The following ESRRG variants were observed in gnomAD, a reference collection of about 807,000 sequenced individuals.
ESRRG encodes estrogen-related receptor gamma.
ESRRG carries 13 observed loss-of-function variants against 44.0 expected under a neutral mutation model. The observed-to-expected ratio is 0.30, with a 90% CI of 0.19 to 0.47. ESRRG has a LOEUF of 0.47. ESRRG is among the 20% of genes least tolerant of loss of function. ESRRG has a pLI of 1.00. For missense variants in ESRRG, 395 were observed against 580.6 expected (o/e 0.68, Z 3.29); for synonymous variants, 215 against 214.6 (o/e 1.00, Z -0.02).
In ESRRG at chr1:217,005,846, C is replaced by T. The variant is rs145757445; in HGVS notation, c.-105-66173G>A. On this transcript the variant is annotated intron_variant, in intron 1 of 7. Coordinates refer to the ESRRG transcript ENST00000359162. ...TACAAATTTATAGGAAAAGTGCTTT[C>T]GCTTACTTTTAATGTGTCAACTTCA... is the stretch of plus-strand genomic sequence containing the variant. Among the ~76,000 whole-genome samples, 560 of 152,158 alleles carry T rather than the reference C, an allele frequency of 3.7e-3. 6 individuals carry two copies. The highest frequency in any genetic ancestry group is 0.012 in the African/African-American group (519 of 41,530).
chr1:216,750,640 C>T (rs990840452), intron 2 of ESRRG, among the ~76,000 whole-genome samples: 1 of 152,042 alleles, frequency 6.6e-6, no homozygotes, highest in Non-Finnish European at 1.5e-5. Context: ...GTCCTGACAA[C>T]CTACTGTCCA....
upstream of ESRRG, chr1:217,089,787 C>T (rs953620602): frequency 2.6e-5 from 4 of 152,176 alleles, no homozygotes; most frequent in East Asian, 5.8e-4. Context: ...GTGCACTCAC[C>T]GAGCCGGGCT....
rs117765148 is a variant in ESRRG at position 216,931,375 on chromosome 1, T to C, written c.-14+8207A>G. Among the ~76,000 whole-genome samples the C allele has an allele frequency of 7.6e-4, 116 of 152,264 alleles. 2 individuals carry two copies. The East Asian group carries it at 0.02, about 26-fold the overall frequency. On this transcript the variant is annotated intron_variant, in intron 2 of 7. Transcript: ENST00000359162. The stretch of plus-strand genomic sequence containing the variant: ...GTAAAATAAGAGAAATTCAGGAAAA[T>C]AATTCTCCCTTCCTATGAAAAATGT...
intron 2 of ESRRG, among the ~76,000 whole-genome samples, chr1:216,740,514 A>G (rs935988018): frequency 1.3e-5 from 2 of 152,034 alleles, no homozygotes; most frequent in Non-Finnish European, 2.9e-5. Flanking sequence ...CTTATATTGC[A>G]TTTACATTTC....
chr1:217,008,090 C>T (rs2078014269), intron 1 of ESRRG, among the ~76,000 whole-genome samples: 1 of 152,170 alleles, frequency 6.6e-6, no homozygotes, highest in African/African-American at 2.4e-5. Context: ...CCAACAGCTA[C>T]AACAACAGAA....
chr1:216,551,429 G>T (rs1391646766), intron 5 of ESRRG, among the ~76,000 whole-genome samples: 1 of 152,066 alleles, frequency 6.6e-6, no homozygotes, highest in Non-Finnish European at 1.5e-5. Flanking sequence ...GATGTTTTGT[G>T]ATAACCTCAC....
At position 217,104,244 on chromosome 1, in the gene ESRRG, A is replaced by T. The variant is rs2092559716; in HGVS notation, c.-230+33423T>A. ...CCCTGTGAACAGCATGGGTGTGGACAGCACCTTGAGCTACTCAAGGACAGC... is the reference window on the plus strand; with the variant it reads ...CCCTGTGAACAGCATGGGTGTGGACTGCACCTTGAGCTACTCAAGGACAGC... On this transcript the variant is annotated intron_variant, in intron 1 of 8. Coordinates refer to the ESRRG transcript ENST00000366940. Among the ~76,000 whole-genome samples the T allele has an allele frequency of 2.0e-5, 3 of 152,334 alleles. No homozygotes were observed. The Middle Eastern group carries it at 0.01, about 518-fold the overall frequency.
At chr1:216,807,552 T>C (rs1034459946) in intron 2 of ESRRG, among the ~76,000 whole-genome samples, 2 of 152,100 alleles carry the variant, frequency 1.3e-5, no homozygotes, top group African/African-American at 4.8e-5. Context: ...TGTTTTTTCT[T>C]TTGGAATATG....
chr1:216,607,224 C>A (rs957369885), intron 3 of ESRRG, among the ~76,000 whole-genome samples: 16 of 152,174 alleles, frequency 1.1e-4, no homozygotes, highest in Non-Finnish European at 1.5e-4. Flanking sequence ...AATCCCTACA[C>A]CCCCATGACC....
chr1:217,092,645 C>T (rs147390863), upstream of ESRRG, among the ~76,000 whole-genome samples: 35 of 152,326 alleles, frequency 2.3e-4, no homozygotes, highest in East Asian at 6.4e-3. Flanking sequence ...TCTGTTGACT[C>T]ACACTGCGAT....
intron 2 of ESRRG, among the ~76,000 whole-genome samples, chr1:216,746,842 G>A (rs180795586): frequency 9.9e-5 from 15 of 152,106 alleles, no homozygotes; most frequent in African/African-American, 3.4e-4. Flanking sequence ...GTAAACCCAC[G>A]TGCACACACT....
intron 1 of ESRRG, among the ~76,000 whole-genome samples, chr1:216,976,135 C>T (rs1053717993): frequency 5.3e-5 from 8 of 151,864 alleles, no homozygotes; most frequent in Non-Finnish European, 8.8e-5. Context: ...TAGTAGAGTC[C>T]TACATTAATC....
At chr1:216,758,022 C>T (rs2092557814) in intron 2 of ESRRG, among the ~76,000 whole-genome samples, 1 of 151,998 alleles carries the variant, frequency 6.6e-6, no homozygotes, top group Non-Finnish European at 1.5e-5. Context: ...AGAAAATCCT[C>T]CTTGGAAAAC....
rs184066435 is a variant in ESRRG at position 216,677,031 on chromosome 1, T to C, written c.472+45A>G. ...AATAAGGAAAAACAAAAACCCATCATGTGAGGTTGGAAGTGGGGAGAGTAT... is the reference window on the plus strand; with the variant it reads ...AATAAGGAAAAACAAAAACCCATCACGTGAGGTTGGAAGTGGGGAGAGTAT... On this transcript the variant is annotated intron_variant, in intron 2 of 6. Coordinates refer to ENST00000408911, the MANE Select transcript of ESRRG (RefSeq NM_001438.4). 2.5e-3 allele frequency: 3,669 copies of C among 1,455,428 alleles called. 9 individuals are homozygous for C. The highest frequency in any genetic ancestry group is 3.1e-3 in the Non-Finnish European group (3,268 of 1,047,696). The allele number at this position is 1,455,428 out of a possible 1,614,324, so 90.2% of individuals were successfully genotyped here.
At chr1:216,555,272 CCTT>C (rs2057294166) in intron 5 of ESRRG, among the ~76,000 whole-genome samples, 1 of 152,178 alleles carries the variant, frequency 6.6e-6, no homozygotes, top group African/African-American at 2.4e-5. Context: ...TTCAAATTCT[CCTT>C]CTAGTGGAAA....
intron 2 of ESRRG, among the ~76,000 whole-genome samples, chr1:216,853,175 C>T (rs2095867042): frequency 6.6e-6 from 1 of 152,116 alleles, no homozygotes; most frequent in Non-Finnish European, 1.5e-5. Context: ...ATAGCCAAAC[C>T]TCTTTTGTAC....
intron 2 of ESRRG, among the ~76,000 whole-genome samples, chr1:216,735,693 A>G (rs530936734): frequency 1.1e-4 from 17 of 151,502 alleles, no homozygotes; most frequent in African/African-American, 4.1e-4. Context: ...TTACTTAAAA[A>G]TTTCAGGCTG....
chr1:216,828,128 C>A (rs2095428169), intron 2 of ESRRG, among the ~76,000 whole-genome samples: 1 of 152,122 alleles, frequency 6.6e-6, no homozygotes, highest in Non-Finnish European at 1.5e-5. Context: ...AAGAAAGAAC[C>A]AGAGCTTGCA....
At chr1:216,656,269 C>T (rs142667732) in intron 2 of ESRRG, among the ~76,000 whole-genome samples, 13 of 152,244 alleles carry the variant, frequency 8.5e-5, no homozygotes, top group African/African-American at 2.9e-4. Context: ...AATTGGGCAG[C>T]TACTGATGAC....
Sources: allele counts gnomAD v4.1 joint callset (sites outside exome capture counted in the v4.1 genomes callset), GRCh38; gene constraint gnomAD v4.1.1; transcripts MANE v1.5; gene names NCBI Gene and HGNC (gene_info 2026-07-23, HGNC 2026-07-21).